The following GPC5 variants were observed in gnomAD, a reference collection of about 807,000 sequenced individuals.
GPC5 encodes the protein glypican-5.
A neutral mutation model predicts 53.9 loss-of-function variants in GPC5; 47 were observed. That is an observed-to-expected ratio of 0.87 (90% CI 0.69 to 1.11). GPC5 has a LOEUF of 1.11. Among genes scored for constraint, GPC5 ranks in the 50% most tolerant of loss-of-function variants. The pLI, the probability that GPC5 is intolerant of heterozygous loss-of-function variation, is 0.00. For synonymous variants in GPC5, 286 were observed against 263.3 expected (o/e 1.09, Z -0.84); for missense variants, 748 against 713.1 (o/e 1.05, Z -0.56).
rs1014712564 is a variant in GPC5, at chr13:92,772,390, C to G, written c.1562-93892C>G. On this transcript the variant is annotated intron_variant, in intron 7 of 7. Coordinates refer to ENST00000377067, the MANE Select transcript of GPC5 (RefSeq NM_004466.6). Reference sequence around the variant, plus strand: ...TTCCACCCAGTTGGCCTCCCTGCAGCTCTAAGGCCAAGCCAAACACTCTCT... The same window carrying G: ...TTCCACCCAGTTGGCCTCCCTGCAGGTCTAAGGCCAAGCCAAACACTCTCT... 3.3e-5 allele frequency among the ~76,000 whole-genome samples: 5 copies of G among 152,208 alleles called. No homozygotes were observed. The East Asian group carries it at 9.6e-4, about 29-fold the overall frequency.
intron 5 of GPC5, among the ~76,000 whole-genome samples, chr13:91,796,286 C>T (rs940042730): frequency 3.9e-5 from 6 of 152,172 alleles, no homozygotes; most frequent in African/African-American, 7.2e-5. Context: ...CAGCAGTGGG[C>T]GCCTTGCTGG....
At chr13:92,051,341 A>G (rs993015919) in intron 6 of GPC5, among the ~76,000 whole-genome samples, 15 of 151,416 alleles carry the variant, frequency 9.9e-5, no homozygotes, top group Non-Finnish European at 1.9e-4. Flanking sequence ...AGCTGGAACT[A>G]CAGGCGCACA....
chr13:92,242,752 A>T (rs1368326295), intron 7 of GPC5, among the ~76,000 whole-genome samples: 1 of 152,120 alleles, frequency 6.6e-6, no homozygotes, highest in Admixed American at 6.6e-5. Context: ...CAAAAATTAT[A>T]ACCTATTAGT....
At chr13:92,094,646 T>C (rs1441327971) in intron 6 of GPC5, among the ~76,000 whole-genome samples, 1 of 151,838 alleles carries the variant, frequency 6.6e-6, no homozygotes, top group Admixed American at 6.6e-5. Context: ...AAACTATATA[T>C]TGCTTGGCCC....
rs1447649381 is a variant in GPC5, at chr13:91,830,855, TC to T, written c.1280+74437del. Among the ~76,000 whole-genome samples, 92 of 127,228 alleles carry T rather than the reference TC, an allele frequency of 7.2e-4. 2 individuals are homozygous for T. Among genetic ancestry groups the T allele is most frequent in the Middle Eastern group, 4.0e-3 (1 of 248 alleles). 83.5% of individuals were successfully genotyped at this position (127,228 alleles called of 152,430 possible). On this transcript the variant is annotated intron_variant, in intron 5 of 7. Transcript: ENST00000377067. ...TATCCTATTATATATAATATATATA[TC>T]CTATTATATATAATATATATCCTAT...
At chr13:92,181,032 A>G (rs910394774) in intron 7 of GPC5, 8 of 152,612 alleles carry the variant, frequency 5.2e-5, no homozygotes, top group African/African-American at 1.9e-4. Flanking sequence ...TGCCAAAACA[A>G]ACAAACAAAC....
At chr13:92,183,896 T>C (rs1413566082) in intron 7 of GPC5, among the ~76,000 whole-genome samples, 1 of 152,082 alleles carries the variant, frequency 6.6e-6, no homozygotes, top group East Asian at 1.9e-4. Flanking sequence ...TATCATTTAG[T>C]TTACCAATTT....
intron 7 of GPC5, among the ~76,000 whole-genome samples, chr13:92,660,880 A>G (rs2139185215): frequency 6.6e-6 from 1 of 152,230 alleles, no homozygotes; most frequent in South Asian, 2.1e-4. Flanking sequence ...GGAACTAAAG[A>G]ATTGAATTTT....
intron 5 of GPC5, among the ~76,000 whole-genome samples, chr13:91,858,987 T>C (rs80069735): frequency 0.013 from 1,926 of 151,654 alleles, 20 homozygotes; most frequent in African/African-American, 0.028. Context: ...TTCTAAAATA[T>C]CAACTATAAT....
At chr13:92,611,439 A>G (rs1022128115) in intron 7 of GPC5, among the ~76,000 whole-genome samples, 2 of 152,286 alleles carry the variant, frequency 1.3e-5, no homozygotes, top group African/African-American at 4.8e-5. Flanking sequence ...ATGTCAGAAA[A>G]TGGATCCTTA....
At chr13:92,188,137 A>G (rs1593975971) in intron 7 of GPC5, among the ~76,000 whole-genome samples, 1 of 152,146 alleles carries the variant, frequency 6.6e-6, no homozygotes, top group East Asian at 1.9e-4. Context: ...CTTCGAGAGA[A>G]CAGGGCTCTT....
intron 6 of GPC5, among the ~76,000 whole-genome samples, chr13:92,123,339 C>T (rs9523512): frequency 0.55 from 82,896 of 151,914 alleles, 24,512 homozygotes; most frequent in African/African-American, 0.78. Context: ...GCCTGGAAAA[C>T]ATTCACAAGA....
chr13:92,096,656 G>A (rs2041424374), intron 6 of GPC5, among the ~76,000 whole-genome samples: 2 of 152,192 alleles, frequency 1.3e-5, no homozygotes, highest in African/African-American at 2.4e-5. Flanking sequence ...CTTTATTGCT[G>A]TTCCTTTCTG....
Position 92,636,268 on chromosome 13 carries a change from T to C in GPC5, c.1562-230014T>C, listed in dbSNP as rs542379319. On this transcript the variant is annotated intron_variant, in intron 7 of 7. Transcript: ENST00000377067. ...ATTTTTTGACCAAACATTTATTGCA[T>C]AAAATAAGTAGATATAGTGAAAATT... 9.7e-4 allele frequency among the ~76,000 whole-genome samples: 147 copies of C among 152,198 alleles called. 3 individuals are homozygous for C. The highest frequency in any genetic ancestry group is 1.0e-3 in the Non-Finnish European group (68 of 68,006).
chr13:92,563,286 CT>C (rs1350995728), intron 7 of GPC5, among the ~76,000 whole-genome samples: 4 of 152,070 alleles, frequency 2.6e-5, no homozygotes, highest in South Asian at 2.1e-4. Context: ...AAAAGAGCCC[CT>C]CTCCCCAAAA....
chr13:92,353,470 G>C (rs2043497622), intron 7 of GPC5, among the ~76,000 whole-genome samples: 1 of 152,056 alleles, frequency 6.6e-6, no homozygotes, highest in African/African-American at 2.4e-5. Flanking sequence ...TGACTATAAA[G>C]AAAGTAAGGA....
chr13:91,580,678 G>T (rs1399015177), intron 2 of GPC5, among the ~76,000 whole-genome samples: 1 of 152,214 alleles, frequency 6.6e-6, no homozygotes, highest in East Asian at 1.9e-4. Context: ...GTTTCTTGCT[G>T]CATTGGCACC....
intron 7 of GPC5, among the ~76,000 whole-genome samples, chr13:92,242,452 A>AT: frequency 6.6e-6 from 1 of 152,028 alleles, no homozygotes; most frequent in African/African-American, 2.4e-5. Context: ...TTCTGATCCT[A>AT]TTTTTTAAGA....
chr13:91,806,782 A>G (rs999715650), intron 5 of GPC5, among the ~76,000 whole-genome samples: 1 of 152,168 alleles, frequency 6.6e-6, no homozygotes, highest in Non-Finnish European at 1.5e-5. Context: ...GAAGAGTGTC[A>G]TCTAGTTTTT....
Sources: gnomAD v4.1 joint callset for allele counts (sites outside exome capture counted in the v4.1 genomes callset) on GRCh38, gnomAD v4.1.1 for gene constraint, MANE v1.5 for transcripts, NCBI Gene and HGNC (gene_info 2026-07-23, HGNC 2026-07-21) for gene names.